The following ANKRD28 variants were observed in gnomAD, a reference collection of about 807,000 sequenced individuals.
The protein encoded by ANKRD28 is ankyrin repeat domain 28.
A neutral mutation model predicts 126.5 loss-of-function variants in ANKRD28; 44 were observed. That is an observed-to-expected ratio of 0.35 (90% CI 0.27 to 0.45). ANKRD28 has a LOEUF of 0.45. ANKRD28 is among the 20% of genes least tolerant of loss of function. ANKRD28 has a pLI of 1.00. For synonymous variants in ANKRD28, 442 were observed against 468.5 expected, an observed-to-expected ratio of 0.94 and a Z score of 0.73; for missense variants, 1,110 against 1,316.6, an observed-to-expected ratio of 0.84 and a Z score of 2.43.
At chr3:15,799,354 T>G (rs1283769613), upstream of ANKRD28, among the ~76,000 whole-genome samples, 1 of 151,170 alleles carries the variant, frequency 6.6e-6, no homozygotes, top group Non-Finnish European at 1.5e-5. Context: ...GATACAAATA[T>G]AAGAATGTCA....
intron 4 of ANKRD28, among the ~76,000 whole-genome samples, chr3:15,744,652 G>A (rs2057358082): frequency 6.6e-6 from 1 of 152,128 alleles, no homozygotes; most frequent in Non-Finnish European, 1.5e-5. Context: ...ATTGACTGAT[G>A]CGTATTTGGG....
At chr3:15,818,091 G>C in intron 1 of ANKRD28, among the ~76,000 whole-genome samples, 1 of 152,094 alleles carries the variant, frequency 6.6e-6, no homozygotes, top group African/African-American at 2.4e-5. Flanking sequence ...AAATACTGAT[G>C]AAAGACATCA....
In ANKRD28 at chr3:15,846,297, C is replaced by T. The variant is rs1347781011; in HGVS notation, c.27+13080G>A. ...TGGCCAAAACAAAGAGGCTACTGGC[C>T]CCATGCAAGTCTGAAACCCAGCAAG... On this transcript the variant is annotated intron_variant, in intron 1 of 27. Transcript: ENST00000399451. This position sits in a 1 kb window ranked among gnomAD's most constrained non-coding sequence, Gnocchi z 5.4. 6.6e-6 allele frequency among the ~76,000 whole-genome samples: 1 copy of T among 152,180 alleles called. No homozygotes were observed. The highest frequency in any genetic ancestry group is 1.9e-4 in the East Asian group (1 of 5,198).
At chr3:15,749,171 C>T (rs1219225247) in intron 4 of ANKRD28, among the ~76,000 whole-genome samples, 14 of 138,834 alleles carry the variant, frequency 1.0e-4, no homozygotes, top group Non-Finnish European at 1.1e-4. Context: ...ACTGCAGTGG[C>T]GCAATCTCGG....
intron 15 of ANKRD28, among the ~76,000 whole-genome samples, chr3:15,695,918 T>C (rs535126264): frequency 2.0e-5 from 3 of 152,090 alleles, no homozygotes; most frequent in African/African-American, 7.2e-5. Context: ...GGGTAATCAG[T>C]AGCCCTCTTC....
rs748149118 is a variant in ANKRD28 at position 15,855,103 on chromosome 3, C to T, written c.27+4274G>A. Among the ~76,000 whole-genome samples the T allele has an allele frequency of 1.3e-5, 2 of 152,090 alleles. 1 individual carries two copies. Among genetic ancestry groups the T allele is most frequent in the South Asian group, 4.1e-4 (2 of 4,824 alleles). ...AGGAAGACACCTCCTACATAGAGTA[C>T]CTGAATATCTGGGCATCAGTGTTCT... is the stretch of plus-strand genomic sequence containing the variant. On this transcript the variant is annotated intron_variant, in intron 1 of 27. Transcript: ENST00000399451.
intron 14 of ANKRD28, among the ~76,000 whole-genome samples, chr3:15,704,893 A>T (rs1411226330): frequency 6.6e-6 from 1 of 152,212 alleles, no homozygotes; most frequent in Non-Finnish European, 1.5e-5. Context: ...TGGGATTTTG[A>T]TACTTAATAA....
At chr3:15,857,353 C>G (rs1249817069) in intron 1 of ANKRD28, among the ~76,000 whole-genome samples, 1 of 152,162 alleles carries the variant, frequency 6.6e-6, no homozygotes, top group African/African-American at 2.4e-5. Flanking sequence ...GGTGCAACCT[C>G]CGCTCACTGC....
intron 6 of ANKRD28, among the ~76,000 whole-genome samples, chr3:15,730,297 T>G (rs1316005221): frequency 1.3e-5 from 2 of 152,136 alleles, no homozygotes; most frequent in Non-Finnish European, 1.5e-5. Context: ...TGACAAAGGT[T>G]GATGGCAGGA....
At chr3:15,844,696 G>A (rs1351575298) in intron 1 of ANKRD28, among the ~76,000 whole-genome samples, 2 of 152,082 alleles carry the variant, frequency 1.3e-5, no homozygotes, top group Non-Finnish European at 2.9e-5. Flanking sequence ...AATAATCTCC[G>A]TATTGATAAT....
intron 9 of ANKRD28, among the ~76,000 whole-genome samples, chr3:15,714,351 A>G (rs2072716084): frequency 6.6e-6 from 1 of 152,080 alleles, no homozygotes; most frequent in Admixed American, 6.6e-5. Context: ...TGCTGAAGAA[A>G]TAACACAGTT....
At chr3:15,740,082 G>A (rs1383801823) in intron 4 of ANKRD28, among the ~76,000 whole-genome samples, 1 of 152,162 alleles carries the variant, frequency 6.6e-6, no homozygotes, top group Non-Finnish European at 1.5e-5. Context: ...AACCAATAAT[G>A]CATGAAACAT....
chr3:15,859,806 C>G (rs1325036035), upstream of ANKRD28: 6 of 151,932 alleles, frequency 3.9e-5, no homozygotes, highest in African/African-American at 7.3e-5. Flanking sequence ...GGCATCCAAA[C>G]TCCACAATAT....
In ANKRD28 at chr3:15,680,020, G is replaced by A. The variant is rs1381390803; in HGVS notation, c.2390-457C>T. On this transcript the variant is annotated intron_variant, in intron 21 of 27. Transcript: ENST00000683139. The stretch of plus-strand genomic sequence containing the variant: ...GCAAATACTATCCCATTTTCTATAA[G>A]GGACTTGAGCGCCTGTTGGTTTTGG... Among the ~76,000 whole-genome samples, 4 of 152,032 alleles carry A rather than the reference G, an allele frequency of 2.6e-5. No homozygotes were observed. The East Asian group carries it at 7.7e-4, about 29-fold the overall frequency.
chr3:15,855,610 AT>A (rs1174601335), intron 1 of ANKRD28, among the ~76,000 whole-genome samples: 3 of 152,234 alleles, frequency 2.0e-5, no homozygotes, highest in Non-Finnish European at 4.4e-5. Context: ...TGATACAAAA[AT>A]TTATGACCAA....
chr3:15,730,575 C>T (rs2074507300), intron 6 of ANKRD28, among the ~76,000 whole-genome samples: 1 of 152,138 alleles, frequency 6.6e-6, no homozygotes, highest in Non-Finnish European at 1.5e-5. Flanking sequence ...AATGCTTGTA[C>T]TTTAGGTTTG....
At chr3:15,732,877 T>G (rs570554062) in intron 6 of ANKRD28, 1 of 152,312 alleles carries the variant, frequency 6.6e-6, no homozygotes, top group South Asian at 2.1e-4. Context: ...CTTTAAGACA[T>G]CTCCAGACCA....
intron 1 of ANKRD28, among the ~76,000 whole-genome samples, chr3:15,825,735 A>G (rs2061051385): frequency 6.6e-6 from 1 of 152,200 alleles, no homozygotes; most frequent in Non-Finnish European, 1.5e-5. Flanking sequence ...AAAGATTCAT[A>G]GCCTACCTAC....
intron 14 of ANKRD28, among the ~76,000 whole-genome samples, chr3:15,705,668 T>C (rs1390967716): frequency 6.6e-6 from 1 of 152,224 alleles, no homozygotes; most frequent in Non-Finnish European, 1.5e-5. Flanking sequence ...ACATACTTTA[T>C]ATTCTTGCAA....
Sources: allele counts gnomAD v4.1 joint callset (sites outside exome capture counted in the v4.1 genomes callset), GRCh38; gene constraint gnomAD v4.1.1; non-coding constraint Gnocchi (gnomAD v3.1); transcripts MANE v1.5; gene names NCBI Gene and HGNC (gene_info 2026-07-23, HGNC 2026-07-21).